The following RCSD1 variants were observed in gnomAD, a reference collection of about 807,000 sequenced individuals.
The protein encoded by RCSD1 is capZ-interacting protein.
RCSD1 carries 26 observed loss-of-function variants against 42.5 expected under a neutral mutation model. That is an observed-to-expected ratio of 0.61 (90% CI 0.45 to 0.85). RCSD1 has a LOEUF of 0.85. Among genes scored for constraint, RCSD1 ranks in the 40% least tolerant of loss-of-function variants. The probability of loss-of-function intolerance (pLI) is 0.00; values close to 1 mark genes in which losing one functional copy is unlikely to be tolerated. For synonymous variants in RCSD1, 220 were observed against 212.2 expected, an observed-to-expected ratio of 1.04 and a Z score of -0.32; for missense variants, 571 against 528.3, an observed-to-expected ratio of 1.08 and a Z score of -0.79.
chr1:167,634,697 T>C (rs1657791213), intron 1 of RCSD1, among the ~76,000 whole-genome samples: 1 of 152,204 alleles, frequency 6.6e-6, no homozygotes, highest in Non-Finnish European at 1.5e-5. Flanking sequence ...TTCAACTAAA[T>C]TGTAGGCACA....
intron 1 of RCSD1, among the ~76,000 whole-genome samples, chr1:167,669,224 T>C (rs3753929): frequency 0.21 from 32,108 of 152,130 alleles, 4,090 homozygotes; most frequent in East Asian, 0.55. Context: ...CAAATAATTA[T>C]AGGCAATTTG....
chr1:167,700,514 G>T (rs1485135699), intron 6 of RCSD1, among the ~76,000 whole-genome samples: 1 of 152,098 alleles, frequency 6.6e-6, no homozygotes, highest in Non-Finnish European at 1.5e-5. Context: ...AGCCAGGCGT[G>T]GTTGTGGGCG....
chr1:167,643,132 A>G (rs973864169), intron 1 of RCSD1, among the ~76,000 whole-genome samples: 4 of 152,252 alleles, frequency 2.6e-5, no homozygotes, highest in African/African-American at 9.6e-5. Flanking sequence ...AAGATTATGC[A>G]TGTAATAAAT....
At chr1:167,642,535 C>G (rs1156903818) in intron 1 of RCSD1, among the ~76,000 whole-genome samples, 1 of 152,178 alleles carries the variant, frequency 6.6e-6, no homozygotes, top group Non-Finnish European at 1.5e-5. Context: ...GAAAATATAT[C>G]AGAGAAATAT....
At chr1:167,632,944 A>G (rs1295363822) in intron 1 of RCSD1, among the ~76,000 whole-genome samples, 1 of 152,184 alleles carries the variant, frequency 6.6e-6, no homozygotes, top group African/African-American at 2.4e-5. Flanking sequence ...GGTTTCTGAA[A>G]ATCTCAGAGT....
chr1:167,663,733 C>T (rs1658591577), intron 1 of RCSD1: 1 of 152,256 alleles, frequency 6.6e-6, no homozygotes, highest in South Asian at 2.1e-4. Flanking sequence ...TTCTTCAGGG[C>T]CAAACTGGCA....
chr1:167,704,647 T>C lies in RCSD1; in HGVS notation c.1219-17T>C. On this transcript the variant is annotated splice_polypyrimidine_tract_variant and intron_variant, in intron 6 of 6. Coordinates refer to ENST00000367854, the MANE Select transcript of RCSD1 (RefSeq NM_052862.4). Reference sequence around the variant, plus strand: ...CTCACCATTTTCCTAATTAATTCTTTCCTCCCCTGTTCACAGGATGACACT... The same window carrying C: ...CTCACCATTTTCCTAATTAATTCTTCCCTCCCCTGTTCACAGGATGACACT... 1 of 1,610,812 alleles carries C rather than the reference T, an allele frequency of 6.2e-7. No homozygotes were observed.
intron 1 of RCSD1, among the ~76,000 whole-genome samples, chr1:167,665,814 C>A (rs1353256392): frequency 2.7e-5 from 4 of 150,446 alleles, no homozygotes; most frequent in African/African-American, 9.7e-5. Flanking sequence ...ATTTGATGAG[C>A]ACCTTTTTTT....
intron 1 of RCSD1, among the ~76,000 whole-genome samples, chr1:167,671,988 G>C (rs1008524045): frequency 6.6e-6 from 1 of 152,104 alleles, no homozygotes; most frequent in African/African-American, 2.4e-5. Context: ...GTCTTCCCGG[G>C]TGCCTCTGGC....
intron 1 of RCSD1, among the ~76,000 whole-genome samples, chr1:167,667,207 A>G (rs1180821356): frequency 6.6e-6 from 1 of 150,560 alleles, no homozygotes; most frequent in Non-Finnish European, 1.5e-5. Flanking sequence ...AGCCCTCTTG[A>G]TATACTAGAG....
At chr1:167,636,151 G>A (rs906139594) in intron 1 of RCSD1, among the ~76,000 whole-genome samples, 3 of 152,184 alleles carry the variant, frequency 2.0e-5, no homozygotes, top group African/African-American at 7.2e-5. Context: ...AGCTGGCTAA[G>A]CCCATGAGGC....
chr1:167,698,854 C>T (rs1659567912), intron 6 of RCSD1, among the ~76,000 whole-genome samples: 1 of 151,228 alleles, frequency 6.6e-6, no homozygotes, highest in Admixed American at 6.6e-5. Flanking sequence ...GGCTGGAGTG[C>T]AGTGGCGGGA....
chr1:167,702,986 T>A (rs1203740037), intron 6 of RCSD1, among the ~76,000 whole-genome samples: 2 of 152,230 alleles, frequency 1.3e-5, no homozygotes, highest in Non-Finnish European at 2.9e-5. Context: ...ATTGCCTGAT[T>A]CAATTGCTTT....
At chr1:167,630,575 C>A (rs923410821) in intron 1 of RCSD1, 146 bp downstream of exon 1, 6 of 865,452 alleles carry the variant, frequency 6.9e-6, no homozygotes, top group African/African-American at 5.3e-5. Context: ...GCTGTTCCGA[C>A]GCCTCCTTGA....
intron 1 of RCSD1, among the ~76,000 whole-genome samples, chr1:167,654,759 A>C (rs978041688): frequency 3.3e-5 from 5 of 152,174 alleles, no homozygotes; most frequent in African/African-American, 9.7e-5. Context: ...AGGTAACCAT[A>C]ATCTCTTCCC....
At chr1:167,676,705 T>C (rs1658960812) in intron 1 of RCSD1, among the ~76,000 whole-genome samples, 1 of 152,114 alleles carries the variant, frequency 6.6e-6, no homozygotes, top group African/African-American at 2.4e-5. Context: ...CACCTGGGAA[T>C]TTGCCCAGAC....
chr1:167,697,666 A>AC lies in RCSD1; in HGVS notation c.1048dup (p.His350ProfsTer46). ...GGAGGAGGGAGCTGCAGTGAAGGAG[A>AC]CCCCCCACAGTCCCCCTGGAGGAGT... On this transcript the variant is annotated frameshift_variant, in exon 6 of 7. Transcript: ENST00000367854. LOFTEE classifies it high-confidence loss of function. The AC allele has an allele frequency of 1.3e-5, 21 of 1,603,996 alleles. No homozygotes were observed. Among genetic ancestry groups the AC allele is most frequent in the Non-Finnish European group, 1.7e-5 (20 of 1,175,736 alleles).
chr1:167,685,339 T>C, intron 2 of RCSD1, 82 bp from the exon 3 acceptor site: 1 of 1,096,688 alleles, frequency 9.1e-7, no homozygotes, highest in South Asian at 1.4e-5. Context: ...TGAAACCAGT[T>C]TCCATTTCCT....
chr1:167,675,269 G>T (rs1324795897), intron 1 of RCSD1, among the ~76,000 whole-genome samples: 1 of 150,790 alleles, frequency 6.6e-6, no homozygotes, highest in Admixed American at 6.6e-5. Context: ...AAGGAATGAG[G>T]TTTAATGGAC....
Sources: gnomAD v4.1 joint callset for allele counts (sites outside exome capture counted in the v4.1 genomes callset) on GRCh38, gnomAD v4.1.1 for gene constraint, MANE v1.5 for transcripts, NCBI Gene and HGNC (gene_info 2026-07-23, HGNC 2026-07-21) for gene names.